The following RAB30 variants were observed in gnomAD, a reference collection of about 807,000 sequenced individuals.
The protein encoded by RAB30 is ras-related protein Rab-30.
RAB30 carries 9 observed loss-of-function variants against 25.1 expected under a neutral mutation model. That is an observed-to-expected ratio of 0.36 (90% CI 0.22 to 0.63). The LOEUF (loss-of-function observed/expected upper bound fraction) is 0.63, where lower values mean the gene tolerates loss of function less well. RAB30 is among the 20% of genes least tolerant of loss of function. RAB30 has a pLI of 0.69. For missense variants in RAB30, 140 were observed against 243.5 expected (o/e 0.58, Z 2.83); for synonymous variants, 77 against 86.4 (o/e 0.89, Z 0.60).
In RAB30 at chr11:83,006,038, G is replaced by A. The variant is rs557171284; in HGVS notation, c.-8-8714C>T. On this transcript the variant is annotated intron_variant, in intron 1 of 4. Coordinates refer to ENST00000527633, the MANE Select transcript of RAB30 (RefSeq NM_001286060.2). ...TAAATTATAATTTTAACTATATGTA[G>A]TTATAATAAGAGGCCATTCATCTCA... Among the ~76,000 whole-genome samples, 4 of 151,968 alleles carry A rather than the reference G, an allele frequency of 2.6e-5. No individual in the cohort carries two copies. In the South Asian group the frequency reaches 8.3e-4, roughly 32 times the overall value.
intron 1 of RAB30, among the ~76,000 whole-genome samples, chr11:83,035,920 G>A (rs1857977086): frequency 6.6e-6 from 1 of 152,176 alleles, no homozygotes; most frequent in Non-Finnish European, 1.5e-5. Context: ...TAATGAGGCT[G>A]AAACTTGATA....
intron 1 of RAB30, among the ~76,000 whole-genome samples, chr11:83,036,979 A>C (rs1858000303): frequency 1.3e-5 from 2 of 152,204 alleles, no homozygotes; most frequent in South Asian, 4.1e-4. Context: ...ATGGGAGATC[A>C]AAGAAGAGTT....
At chr11:83,001,077 G>C (rs1857073043) in intron 1 of RAB30, among the ~76,000 whole-genome samples, 1 of 141,478 alleles carries the variant, frequency 7.1e-6, no homozygotes, top group South Asian at 2.3e-4. Context: ...AAAAGGCTTT[G>C]TCATGGTGAA....
At chr11:82,994,504 T>A (rs1856920142) in intron 2 of RAB30, among the ~76,000 whole-genome samples, 1 of 152,042 alleles carries the variant, frequency 6.6e-6, no homozygotes, top group Admixed American at 6.5e-5. Flanking sequence ...AGATCAGAAT[T>A]GGAAGGGTCA....
chr11:83,050,507 G>A (rs1274312647), intron 1 of RAB30, among the ~76,000 whole-genome samples: 2 of 152,166 alleles, frequency 1.3e-5, no homozygotes, highest in East Asian at 1.9e-4. Flanking sequence ...GGGAGAGGCA[G>A]TAAGAGTTAA....
chr11:82,990,757 T>C (rs1392094845), intron 3 of RAB30, among the ~76,000 whole-genome samples: 1 of 146,550 alleles, frequency 6.8e-6, no homozygotes, highest in Non-Finnish European at 1.5e-5. Context: ...AAGTTCTGTG[T>C]TTTTTCCATT....
chr11:83,023,679 A>G (rs542920015), intron 1 of RAB30, among the ~76,000 whole-genome samples: 7 of 152,274 alleles, frequency 4.6e-5, no homozygotes, highest in African/African-American at 1.7e-4. Flanking sequence ...TGAAAACCCT[A>G]CAATGGCTTC....
At chr11:83,017,062 G>A (rs1857454405) in intron 1 of RAB30, among the ~76,000 whole-genome samples, 1 of 152,110 alleles carries the variant, frequency 6.6e-6, no homozygotes, top group Non-Finnish European at 1.5e-5. Flanking sequence ...ATAGAAGCTG[G>A]GCACGGTGGC....
intron 1 of RAB30, among the ~76,000 whole-genome samples, chr11:83,016,798 T>C (rs1857448535): frequency 6.6e-6 from 1 of 152,180 alleles, no homozygotes; most frequent in Admixed American, 6.6e-5. Context: ...GGAGCACCAA[T>C]GCAAACACAC....
rs1856635568 is a variant in RAB30 at position 82,981,414 on chromosome 11, G to A, written c.*751C>T. ...CCAAAAATCCACCTTTAAAAAGGTA[G>A]TAATGAGACTTTGAGAAAGAGTGCT... On this transcript the variant is annotated 3_prime_UTR_variant, in exon 5 of 5. Coordinates refer to ENST00000527633, the MANE Select transcript of RAB30 (RefSeq NM_001286060.2). The A allele has an allele frequency of 6.6e-6, 1 of 152,634 alleles. No individual in the cohort carries two copies. The highest frequency in any genetic ancestry group is 2.4e-5 in the African/African-American group (1 of 41,454). 9.5% of individuals were successfully genotyped at this position (152,634 alleles called of 1,614,324 possible).
At chr11:83,052,386 C>G (rs1858375573) in intron 1 of RAB30, among the ~76,000 whole-genome samples, 1 of 152,174 alleles carries the variant, frequency 6.6e-6, no homozygotes, top group Non-Finnish European at 1.5e-5. Context: ...CTCGGATCCT[C>G]TATCCATTTC....
chr11:83,061,710 CTT>C (rs569263010), intron 1 of RAB30, among the ~76,000 whole-genome samples: 25 of 79,904 alleles, frequency 3.1e-4, no homozygotes, highest in African/African-American at 1.1e-3. Context: ...TCTTTCTTTT[CTT>C]TTTTTTTTTT....
At chr11:82,997,092 G>T (rs761566580) in intron 2 of RAB30, 132 bp downstream of exon 2, 1 of 719,746 alleles carries the variant, frequency 1.4e-6, no homozygotes, top group Non-Finnish European at 2.4e-6. Context: ...CTTTCAAAGG[G>T]TGCATCAGGA....
At chr11:83,058,842 AT>A (rs978783233) in intron 1 of RAB30, among the ~76,000 whole-genome samples, 2 of 152,232 alleles carry the variant, frequency 1.3e-5, no homozygotes, top group African/African-American at 4.8e-5. Context: ...TAGCATGAAA[AT>A]GCCATAACAC....
chr11:83,014,270 A>G (rs1045593248), intron 1 of RAB30, among the ~76,000 whole-genome samples: 1 of 152,200 alleles, frequency 6.6e-6, no homozygotes, highest in Non-Finnish European at 1.5e-5. Context: ...GAGCCAGACC[A>G]GGCTTGGTGG....
intron 1 of RAB30, among the ~76,000 whole-genome samples, chr11:83,023,142 G>A (rs1334462459): frequency 6.6e-6 from 1 of 152,118 alleles, no homozygotes; most frequent in Non-Finnish European, 1.5e-5. Flanking sequence ...AATATTCTCA[G>A]TTGATTCTGG....
chr11:82,992,450 C>T (rs1856871124), intron 3 of RAB30: 2 of 453,894 alleles, frequency 4.4e-6, no homozygotes, highest in East Asian at 7.0e-5. Context: ...ATTCAAGGAC[C>T]TCCTCCTAAA....
intron 1 of RAB30, among the ~76,000 whole-genome samples, chr11:83,032,150 A>G (rs1054014925): frequency 1.2e-4 from 19 of 152,168 alleles, no homozygotes; most frequent in African/African-American, 4.3e-4. Context: ...CTTATTTCCT[A>G]GGACTCACTC....
At chr11:83,014,495 T>C (rs1295707926) in intron 1 of RAB30, among the ~76,000 whole-genome samples, 1 of 151,816 alleles carries the variant, frequency 6.6e-6, no homozygotes. Context: ...GCAGTGAGCT[T>C]TGATGATGCC....
Sources: allele counts gnomAD v4.1 joint callset (sites outside exome capture counted in the v4.1 genomes callset), GRCh38; gene constraint gnomAD v4.1.1; transcripts MANE v1.5; gene names NCBI Gene and HGNC (gene_info 2026-07-23, HGNC 2026-07-21).